ABCA9: variants seen among roughly 807,000 people sequenced by gnomAD.
ABCA9 encodes the protein ATP binding cassette subfamily A member 9, also known as ATP-binding cassette sub-family A member 9.
A neutral mutation model predicts 205.3 loss-of-function variants in ABCA9; 183 were observed. That is an observed-to-expected ratio of 0.89 (90% CI 0.79 to 1.01). The LOEUF (loss-of-function observed/expected upper bound fraction) is 1.01, where lower values mean the gene tolerates loss of function less well. Among genes scored for constraint, ABCA9 ranks in the 50% least tolerant of loss-of-function variants. The pLI, the probability that ABCA9 is intolerant of heterozygous loss-of-function variation, is 0.00. For missense variants in ABCA9, 1,805 were observed against 1,912.4 expected (o/e 0.94, Z 1.05); for synonymous variants, 651 against 683.3 (o/e 0.95, Z 0.74).
At chr17:68,980,704 A>T (rs1357948207) in intron 37 of ABCA9, among the ~76,000 whole-genome samples, 1 of 145,218 alleles carries the variant, frequency 6.9e-6, no homozygotes, top group African/African-American at 2.5e-5. Context: ...CATAGGTGAG[A>T]ATTGAACAAT....
chr17:69,032,422 G>GAC (rs1335902452), intron 9 of ABCA9, 146 bp from the exon 10 acceptor site: 1 of 705,758 alleles, frequency 1.4e-6, no homozygotes, highest in Non-Finnish European at 2.3e-6. Flanking sequence ...ATGTGCTTTT[G>GAC]ACACACACAG....
the ABCA9 span, among the ~76,000 whole-genome samples, chr17:69,066,967 A>T: frequency 6.6e-5 from 10 of 152,310 alleles, no homozygotes; most frequent in African/African-American, 2.4e-4. Context: ...AATTAAAATC[A>T]TTGATGGATC....
intron 19 of ABCA9, among the ~76,000 whole-genome samples, chr17:69,019,702 C>T (rs1227110970): frequency 6.6e-6 from 1 of 152,108 alleles, no homozygotes. Flanking sequence ...TGAATGTTCT[C>T]AGTGAATGAG....
At chr17:69,059,032 G>C (rs565020967) in intron 1 of ABCA9, among the ~76,000 whole-genome samples, 1 of 151,998 alleles carries the variant, frequency 6.6e-6, no homozygotes, top group Non-Finnish European at 1.5e-5. Flanking sequence ...ATCAGATCTC[G>C]TGAGACTTGA....
At chr17:68,987,634 C>A (rs1171260325) in intron 31 of ABCA9, among the ~76,000 whole-genome samples, 1 of 152,060 alleles carries the variant, frequency 6.6e-6, no homozygotes, top group African/African-American at 2.4e-5. Flanking sequence ...AGCAGGCGGT[C>A]AACAGACCAC....
rs144962040 is a variant in ABCA9, at chr17:69,055,934, C to G, written c.-13-4795G>C. Among the ~76,000 whole-genome samples the G allele has an allele frequency of 4.9e-3, 748 of 152,098 alleles. 6 individuals carry two copies. The highest frequency in any genetic ancestry group is 0.017 in the African/African-American group (720 of 41,522). On this transcript the variant is annotated intron_variant, in intron 1 of 38. Transcript: ENST00000340001. ...TAACATAAAAGTCAAAGAAAAAAAT[C>G]TAATGACAAATTAAAACTTATTTTG...
chr17:68,996,557 T>G (rs1191474489), intron 25 of ABCA9, among the ~76,000 whole-genome samples: 1 of 152,218 alleles, frequency 6.6e-6, no homozygotes, highest in African/African-American at 2.4e-5. Context: ...AGGTTAAAAT[T>G]TATGTGCACT....
chr17:69,011,453 G>GTC (rs1213693477), intron 23 of ABCA9, among the ~76,000 whole-genome samples: 8 of 152,168 alleles, frequency 5.3e-5, no homozygotes, highest in African/African-American at 1.7e-4. Flanking sequence ...TCAAAAACAT[G>GTC]TCCTGAGCAT....
At chr17:69,013,680 T>C (rs2070469302) in intron 22 of ABCA9, among the ~76,000 whole-genome samples, 1 of 152,108 alleles carries the variant, frequency 6.6e-6, no homozygotes, top group East Asian at 1.9e-4. Flanking sequence ...GGGTCCTTCC[T>C]AAGCTGAAAG....
chr17:69,057,663 T>C (rs542347747), intron 1 of ABCA9, among the ~76,000 whole-genome samples: 2 of 152,340 alleles, frequency 1.3e-5, no homozygotes, highest in South Asian at 2.1e-4. Flanking sequence ...AGTTTCAGTT[T>C]GGTAGTGCGG....
At chr17:69,019,818 C>T (rs1195789017) in intron 19 of ABCA9, 2 of 152,522 alleles carry the variant, frequency 1.3e-5, no homozygotes, top group Non-Finnish European at 1.5e-5. Flanking sequence ...AGCCTCAAGA[C>T]TGTAACATGG....
chr17:69,067,035 C>A, the ABCA9 span, among the ~76,000 whole-genome samples: 1 of 151,958 alleles, frequency 6.6e-6, no homozygotes, highest in African/African-American at 2.4e-5. Flanking sequence ...AAAGACTTGA[C>A]AGAAAAATGC....
At chr17:69,035,556 A>G in intron 7 of ABCA9, 104 bp downstream of exon 7, 1 of 1,473,754 alleles carries the variant, frequency 6.8e-7, no homozygotes. Flanking sequence ...TCATGCAAAT[A>G]CTACAAAGAG....
the ABCA9 span, among the ~76,000 whole-genome samples, chr17:69,075,006 T>C: frequency 6.6e-6 from 1 of 152,302 alleles, no homozygotes; most frequent in Middle Eastern, 3.4e-3. Context: ...TTAGCAATGT[T>C]GAGCATTTTT....
chr17:69,048,147 C>A (rs1445763405), intron 3 of ABCA9, among the ~76,000 whole-genome samples: 1 of 152,144 alleles, frequency 6.6e-6, no homozygotes, highest in Non-Finnish European at 1.5e-5. Flanking sequence ...ATGATCCAAT[C>A]ACTTCCCTCC....
chr17:68,994,982 C>G (rs1315701703), intron 26 of ABCA9, among the ~76,000 whole-genome samples: 2 of 152,146 alleles, frequency 1.3e-5, no homozygotes, highest in Non-Finnish European at 2.9e-5. Flanking sequence ...AAATATTTGC[C>G]TGTACTCACA....
intron 12 of ABCA9, among the ~76,000 whole-genome samples, chr17:69,028,253 G>A (rs1428866680): frequency 1.3e-5 from 2 of 152,028 alleles, no homozygotes; most frequent in Admixed American, 6.6e-5. Flanking sequence ...TGCAACCTCC[G>A]CCTCCCAGGT....
In ABCA9 at chr17:68,989,016, GT is replaced by G. The variant is rs575687093; in HGVS notation, c.4047+10del. 2.7e-4 allele frequency: 417 copies of G among 1,567,484 alleles called. 2 individuals carry two copies. In the East Asian group the frequency reaches 8.5e-3, roughly 32 times the overall value. ...AGCACTAATGACCATATTCCTGTAC[GT>G]TTTACTGACCTGTCCTGCAGTTGGT... On this transcript the variant is annotated intron_variant, in intron 31 of 38. Transcript: ENST00000340001.
intron 14 of ABCA9, 66 bp downstream of exon 14, chr17:69,027,264 T>G (rs952820733): frequency 6.4e-7 from 1 of 1,573,848 alleles, no homozygotes; most frequent in Non-Finnish European, 8.6e-7. Flanking sequence ...TTGAAAATTG[T>G]TTGACCTAAT....
Sources: gnomAD v4.1 joint callset for allele counts (sites outside exome capture counted in the v4.1 genomes callset) on GRCh38, gnomAD v4.1.1 for gene constraint, MANE v1.5 for transcripts, NCBI Gene and HGNC (gene_info 2026-07-23, HGNC 2026-07-21) for gene names.